Variants in CPM observed in about 807,000 individuals in gnomAD.
The protein encoded by CPM is carboxypeptidase M, also known as renal carboxypeptidase.
Under a neutral mutation model 46.4 loss-of-function variants are expected in CPM, and 35 were observed. The ratio of observed to expected loss-of-function variants is 0.75; its 90% CI spans 0.58 to 1.00. The LOEUF is 1.00. CPM is among the 50% of genes least tolerant of loss of function. The probability of loss-of-function intolerance (pLI) is 0.00; values close to 1 mark genes in which losing one functional copy is unlikely to be tolerated. For synonymous variants in CPM, 195 were observed against 195.3 expected (o/e 1.00, Z 0.01); for missense variants, 422 against 530.4 (o/e 0.80, Z 2.01).
chr12:68,943,789 T>G (rs928600838), intron 1 of CPM, among the ~76,000 whole-genome samples: 4 of 152,188 alleles, frequency 2.6e-5, no homozygotes, highest in African/African-American at 9.6e-5. Context: ...CATACTCTTG[T>G]CTCTTAGGAA....
intron 2 of CPM, among the ~76,000 whole-genome samples, chr12:68,888,143 C>T (rs1886513837): frequency 6.6e-6 from 1 of 152,132 alleles, no homozygotes; most frequent in Non-Finnish European, 1.5e-5. Flanking sequence ...AGTTCTCTTA[C>T]AAGCAAGGAC....
chr12:68,928,802 C>T (rs574069854), intron 2 of CPM, among the ~76,000 whole-genome samples: 23 of 151,152 alleles, frequency 1.5e-4, no homozygotes, highest in African/African-American at 2.9e-4. Flanking sequence ...TACGGTGGCA[C>T]GATCATGGCC....
At chr12:68,866,256 CA>C (rs1885438649) in intron 7 of CPM, among the ~76,000 whole-genome samples, 1 of 152,192 alleles carries the variant, frequency 6.6e-6, no homozygotes, top group South Asian at 2.1e-4. Flanking sequence ...AACAGAGTAG[CA>C]GCCTATTTTC....
chr12:68,926,929 T>A (rs1231116669), intron 2 of CPM, among the ~76,000 whole-genome samples: 1 of 152,260 alleles, frequency 6.6e-6, no homozygotes, highest in African/African-American at 2.4e-5. Flanking sequence ...TTCTATGGTG[T>A]ATATGTGCCA....
At chr12:68,874,059 G>A (rs1885831560) in intron 3 of CPM, among the ~76,000 whole-genome samples, 1 of 152,064 alleles carries the variant, frequency 6.6e-6, no homozygotes, top group African/African-American at 2.4e-5. Flanking sequence ...GCCTGCCTCA[G>A]CCTCCCAAAG....
chr12:68,918,943 T>C (rs567555952), intron 2 of CPM, among the ~76,000 whole-genome samples: 1 of 152,354 alleles, frequency 6.6e-6, no homozygotes, highest in South Asian at 2.1e-4. Flanking sequence ...ACTTTAGAAT[T>C]GGCTTAGAAG....
chr12:68,848,728 G>C (rs1041830593), downstream of CPM: 4 of 151,630 alleles, frequency 2.6e-5, no homozygotes, highest in African/African-American at 4.8e-5. Context: ...TGTTTTTTTG[G>C]GGGGGACGAA....
chr12:68,887,299 C>T (rs536421276), intron 2 of CPM, among the ~76,000 whole-genome samples: 1 of 152,092 alleles, frequency 6.6e-6, no homozygotes, highest in African/African-American at 2.4e-5. Flanking sequence ...TTTAAGAGCC[C>T]AGGAGAGGAA....
intron 2 of CPM, among the ~76,000 whole-genome samples, chr12:68,898,512 C>T (rs1458066397): frequency 6.6e-6 from 1 of 152,120 alleles, no homozygotes; most frequent in Non-Finnish European, 1.5e-5. Flanking sequence ...AATTAGGTTC[C>T]CTAACCGGAA....
intron 8 of CPM, among the ~76,000 whole-genome samples, chr12:68,857,955 C>T (rs1161694770): frequency 2.0e-5 from 3 of 152,150 alleles, no homozygotes; most frequent in Non-Finnish European, 4.4e-5. Flanking sequence ...TTTTCAAGCT[C>T]TATCCATTTT....
chr12:68,885,996 C>G lies in CPM; in HGVS notation c.161-107G>C. Reference sequence around the variant, plus strand: ...GATGCTGCTTCCCCCACTTGATCGCCTGTTTCATGGTGACTTAAGTTTGTA... The same window carrying G: ...GATGCTGCTTCCCCCACTTGATCGCGTGTTTCATGGTGACTTAAGTTTGTA... On this transcript the variant is annotated intron_variant, in intron 2 of 8. Coordinates refer to ENST00000551568, the MANE Select transcript of CPM (RefSeq NM_198320.5). The G allele has an allele frequency of 5.8e-6, 5 of 862,134 alleles. No individual in the cohort carries two copies. The Middle Eastern group carries it at 7.3e-4, about 125-fold the overall frequency. The allele number at this position is 862,134 out of a possible 1,614,324, so 53.4% of individuals were successfully genotyped here.
intron 5 of CPM, chr12:68,843,807 C>A (rs1489297672): frequency 4.5e-6 from 1 of 220,630 alleles, no homozygotes; most frequent in African/African-American, 2.2e-5. Flanking sequence ...TCAGCTACAA[C>A]CAAGCAGAAT....
chr12:68,937,525 T>C (rs1041282760), upstream of CPM, among the ~76,000 whole-genome samples: 1 of 152,184 alleles, frequency 6.6e-6, no homozygotes, highest in East Asian at 1.9e-4. Context: ...ACACCCTGGG[T>C]TAAAGAATAT....
At chr12:68,959,920 T>C (rs1163988772) in intron 1 of CPM, among the ~76,000 whole-genome samples, 1 of 152,238 alleles carries the variant, frequency 6.6e-6, no homozygotes, top group Non-Finnish European at 1.5e-5. Flanking sequence ...GAAAAATCGG[T>C]TAGCTTCAGG....
intron 2 of CPM, among the ~76,000 whole-genome samples, chr12:68,922,774 T>C (rs940060313): frequency 6.6e-5 from 10 of 152,220 alleles, no homozygotes; most frequent in African/African-American, 2.4e-4. Flanking sequence ...ACATTTTTAA[T>C]GTGCATTTTG....
At chr12:68,936,279 GA>G (rs756810491), upstream of CPM, among the ~76,000 whole-genome samples, 9 of 150,866 alleles carry the variant, frequency 6.0e-5, no homozygotes, top group African/African-American at 1.7e-4. Flanking sequence ...GGTCAAGAGA[GA>G]AAAAAAAATT....
At chr12:68,846,414 A>C (rs1030197619), downstream of CPM, 1 of 152,006 alleles carries the variant, frequency 6.6e-6, no homozygotes, top group African/African-American at 2.4e-5. Flanking sequence ...AATTTATTCC[A>C]TTTATTTTGT....
chr12:68,842,563 CATT>C (rs937968898), intron 5 of CPM: 5 of 344,342 alleles, frequency 1.5e-5, no homozygotes, highest in Admixed American at 7.9e-5. Flanking sequence ...GATCGCATCT[CATT>C]GTTAACTCTT....
At chr12:68,873,681 A>G (rs1159036422) in intron 3 of CPM, among the ~76,000 whole-genome samples, 4 of 151,894 alleles carry the variant, frequency 2.6e-5, no homozygotes, top group Admixed American at 2.0e-4. Flanking sequence ...AAAAAAAAAA[A>G]AAAAGAAAGA....
Sources: gnomAD v4.1 joint callset for allele counts (sites outside exome capture counted in the v4.1 genomes callset) on GRCh38, gnomAD v4.1.1 for gene constraint, MANE v1.5 for transcripts, NCBI Gene and HGNC (gene_info 2026-07-23, HGNC 2026-07-21) for gene names.